Variants in AR observed in about 807,000 individuals in gnomAD.
The protein encoded by AR is androgen receptor.
AR carries 8 observed loss-of-function variants against 53.9 expected under a neutral mutation model. The observed-to-expected ratio is 0.15, with a 90% confidence interval of 0.09 to 0.27. The LOEUF is 0.27. Ranked by LOEUF, AR falls within the 10% of genes least tolerant of loss-of-function variation. The pLI, the probability that AR is intolerant of heterozygous loss-of-function variation, is 1.00. For synonymous variants in AR, 359 were observed against 316.4 expected, an observed-to-expected ratio of 1.13 and a Z score of -1.43; for missense variants, 639 against 742.5, an observed-to-expected ratio of 0.86 and a Z score of 1.62.
At chrX:67,631,925 G>T (rs1293816834) in intron 1 of AR, among the ~76,000 whole-genome samples, 1 of 113,124 alleles carries the variant, frequency 8.8e-6, no homozygotes, top group Non-Finnish European at 1.9e-5. Context: ...GCCCCTGCTG[G>T]GGGGTGCCTC....
At chrX:67,560,882 A>G (rs1921270496) in intron 1 of AR, among the ~76,000 whole-genome samples, 1 of 112,030 alleles carries the variant, frequency 8.9e-6, no homozygotes, top group South Asian at 3.7e-4. Flanking sequence ...GATCTATATG[A>G]CACAATATGG....
At chrX:67,693,107 A>T (rs2076003393) in intron 3 of AR, among the ~76,000 whole-genome samples, 1 of 113,062 alleles carries the variant, frequency 8.8e-6, no homozygotes, top group Non-Finnish European at 1.9e-5. Context: ...TTAGAGAACT[A>T]TGGTTAGAGC....
Position 67,546,586 on chromosome X carries a change from C to G in AR, c.1440C>G (p.Pro480=), listed in dbSNP as rs1331326887. 1 of 1,159,080 alleles carries G rather than the reference C, an allele frequency of 8.6e-7. No individual in the cohort carries two copies. The change falls in exon 1 of 8, where the codon CCC becomes CCG. Residue 480 remains proline, a synonymous_variant. Transcript: ENST00000374690. The stretch of plus-strand genomic sequence containing the variant: ...GCGGCGAGGCGGGAGCTGTAGCCCC[C>G]TACGGCTACACTCGGCCCCCTCAGG... The part of the protein sequence containing the change: ...GGGGEAGAVA[P]YGYTRPPQGL...
chrX:67,694,711 A>G (rs1569308199), intron 3 of AR: 1 of 1,154,921 alleles, frequency 8.7e-7, no homozygotes, highest in East Asian at 3.3e-5. Flanking sequence ...TCTCAAAATG[A>G]CCAGACCCTG....
intron 1 of AR, among the ~76,000 whole-genome samples, chrX:67,600,153 G>A (rs1923286658): frequency 9.0e-6 from 1 of 111,351 alleles, no homozygotes; most frequent in Non-Finnish European, 1.9e-5. Flanking sequence ...ACCTGGAGAG[G>A]GACATGGAAA....
chrX:67,694,159 AC>A (rs1184081874), intron 3 of AR, among the ~76,000 whole-genome samples: 1 of 111,662 alleles, frequency 9.0e-6, no homozygotes, highest in Non-Finnish European at 1.9e-5. Context: ...TGTTAGGCAC[AC>A]AGACATTAAT....
chrX:67,580,027 T>G (rs1832497719), intron 1 of AR, among the ~76,000 whole-genome samples: 2 of 110,583 alleles, frequency 1.8e-5, no homozygotes, highest in Admixed American at 1.9e-4. Context: ...TGTGGCCATT[T>G]TTTGGTCTTA....
rs1167501895 is a variant in AR at position 67,569,347 on chromosome X, G to T, written c.1616+22585G>T. Among the ~76,000 whole-genome samples, 3 of 111,226 alleles carry T rather than the reference G, an allele frequency of 2.7e-5. No individual in the cohort carries two copies. The Admixed American group carries it at 2.9e-4, about 11-fold the overall frequency. ...CTAGAGACAGTAAGCAGCATACATG[G>T]TGTCTTCCAGTTTTCAGCCTTTGTG... On this transcript the variant is annotated intron_variant, in intron 1 of 7. Transcript: ENST00000374690.
intron 2 of AR, among the ~76,000 whole-genome samples, chrX:67,644,846 C>A (rs962020712): frequency 2.7e-5 from 3 of 111,557 alleles, no homozygotes; most frequent in African/African-American, 9.8e-5. Flanking sequence ...AATATGAAGC[C>A]CAGGGCCCTA....
intron 1 of AR, among the ~76,000 whole-genome samples, chrX:67,611,941 T>C (rs1923902324): frequency 9.0e-6 from 1 of 111,731 alleles, no homozygotes; most frequent in Non-Finnish European, 1.9e-5. Context: ...AAATACATAC[T>C]TAAGCAACTC....
intron 2 of AR, among the ~76,000 whole-genome samples, chrX:67,671,229 A>G (rs926554068): frequency 8.9e-6 from 1 of 111,901 alleles, no homozygotes; most frequent in African/African-American, 3.2e-5. Flanking sequence ...ACAGTGTAAA[A>G]GCGTTCCTAT....
At chrX:67,634,622 T>C (rs1359224274) in intron 1 of AR, among the ~76,000 whole-genome samples, 1 of 111,749 alleles carries the variant, frequency 8.9e-6, no homozygotes, top group African/African-American at 3.2e-5. Context: ...ATACTTTTAA[T>C]AGTAAACATT....
chrX:67,688,883 G>C (rs761971490), intron 3 of AR, among the ~76,000 whole-genome samples: 1 of 111,851 alleles, frequency 8.9e-6, no homozygotes, highest in East Asian at 2.8e-4. Context: ...TCAATTCAAA[G>C]TGGCCCTTGT....
Position 67,544,387 on chromosome X carries a change from C to G in AR, c.-760C>G. Reference sequence around the variant, plus strand: ...CTGCCTTCCCCCCCTCCCCCGTCTTCTCTCCCGCAGCTGCCTCAGTCGGCT... The same window carrying G: ...CTGCCTTCCCCCCCTCCCCCGTCTTGTCTCCCGCAGCTGCCTCAGTCGGCT... On this transcript the variant is annotated 5_prime_UTR_variant, in exon 1 of 8. Transcript: ENST00000374690. The G allele has an allele frequency of 9.9e-6, 1 of 100,956 alleles. No individual in the cohort carries two copies. Among genetic ancestry groups the G allele is most frequent in the Non-Finnish European group, 1.9e-5 (1 of 53,504 alleles). 8.3% of individuals were successfully genotyped at this position (100,956 alleles called of 1,213,427 possible). A position where few individuals can be genotyped will look rare whatever the true frequency, so the allele number is the denominator to read the frequency against.
rs947567342 is a variant in AR at position 67,724,009 on chromosome X, C to A, written c.*168C>A. The A allele has an allele frequency of 3.1e-6, 2 of 642,048 alleles. No homozygotes were observed. The highest frequency in any genetic ancestry group is 7.2e-5 in the Admixed American group (2 of 27,735). The allele number at this position is 642,048 out of a possible 1,213,427, so 52.9% of individuals were successfully genotyped here. A position where few individuals can be genotyped will look rare whatever the true frequency, so the allele number is the denominator to read the frequency against. ...ATTCTATTTGCTGGGCTTTTTTTTT[C>A]TCTTTCTCTCCTTTCTTTTTCTTCT... On this transcript the variant is annotated 3_prime_UTR_variant, in exon 8 of 8. Transcript: ENST00000374690.
At chrX:67,706,550 T>C (rs1185914914) in intron 3 of AR, among the ~76,000 whole-genome samples, 2 of 111,561 alleles carry the variant, frequency 1.8e-5, no homozygotes, top group Admixed American at 9.5e-5. Flanking sequence ...TCTTCTTTAT[T>C]AGTCTTGCCA....
intron 2 of AR, among the ~76,000 whole-genome samples, chrX:67,674,860 G>A (rs1258749854): frequency 9.0e-6 from 1 of 111,185 alleles, no homozygotes; most frequent in Non-Finnish European, 1.9e-5. Flanking sequence ...CTCCTTTACA[G>A]AGACTCTCCC....
At chrX:67,589,269 CAAAA>C (rs773313820) in intron 1 of AR, among the ~76,000 whole-genome samples, 1 of 41,129 alleles carries the variant, frequency 2.4e-5, no homozygotes. Context: ...GACTCCGTCT[CAAAA>C]AAAAAAAAAA....
At chrX:67,586,906 C>T (rs1285174522) in intron 1 of AR, among the ~76,000 whole-genome samples, 1 of 111,751 alleles carries the variant, frequency 8.9e-6, no homozygotes, top group Non-Finnish European at 1.9e-5. Flanking sequence ...AGGGTAGAGG[C>T]TCACTGTTAT....
Sources: allele counts gnomAD v4.1 joint callset (sites outside exome capture counted in the v4.1 genomes callset), GRCh38; gene constraint gnomAD v4.1.1; transcripts MANE v1.5; gene names NCBI Gene and HGNC (gene_info 2026-07-23, HGNC 2026-07-21).